Variants in SPATA13 observed in about 807,000 individuals in gnomAD.
The protein encoded by SPATA13 is spermatogenesis-associated protein 13.
Under a neutral mutation model 104.0 loss-of-function variants are expected in SPATA13, and 50 were observed. The observed-to-expected ratio is 0.48, with a 90% CI of 0.38 to 0.61. The LOEUF (loss-of-function observed/expected upper bound fraction) is 0.61. SPATA13 is among the 20% of genes least tolerant of loss of function. The probability of loss-of-function intolerance (pLI) is 0.00; values close to 1 mark genes in which losing one functional copy is unlikely to be tolerated. For synonymous variants in SPATA13, 606 were observed against 667.5 expected (o/e 0.91, Z 1.42); for missense variants, 1,524 against 1,690.6 (o/e 0.90, Z 1.73).
intron 3 of SPATA13, among the ~76,000 whole-genome samples, chr13:24,103,966 ACT>A (rs1471111315): frequency 1.3e-5 from 2 of 151,954 alleles, no homozygotes; most frequent in Non-Finnish European, 2.9e-5. Flanking sequence ...ATTAGGAGTG[ACT>A]CTAAGTAGGG....
In SPATA13 at chr13:24,261,081, G is replaced by C. The variant is rs184397858; in HGVS notation, c.2164+9219G>C. Among the ~76,000 whole-genome samples, 599 of 152,364 alleles carry C rather than the reference G, an allele frequency of 3.9e-3. 4 individuals are homozygous for C. Among genetic ancestry groups the C allele is most frequent in the Non-Finnish European group, 6.5e-3 (442 of 68,038 alleles). ...TAAGTTCAGGCTGCCTGGGAGGACA[G>C]AGCCTGGGCAACTGGGAGCCACTGA... On this transcript the variant is annotated intron_variant, in intron 4 of 12. Transcript: ENST00000382108.
upstream of SPATA13, among the ~76,000 whole-genome samples, chr13:24,159,637 C>T (rs1451765189): frequency 6.6e-6 from 1 of 152,180 alleles, no homozygotes; most frequent in Non-Finnish European, 1.5e-5. Flanking sequence ...GCATGCTGTT[C>T]ATTCTGTGAG....
At chr13:23,989,249 C>T (rs112096187) in intron 2 of SPATA13, among the ~76,000 whole-genome samples, 109 of 152,108 alleles carry the variant, frequency 7.2e-4, no homozygotes, top group African/African-American at 2.6e-3. Flanking sequence ...TGGTGAAACC[C>T]CGTCTCTACT....
chr13:24,263,158 T>C (rs1476161242), intron 4 of SPATA13, among the ~76,000 whole-genome samples: 1 of 152,370 alleles, frequency 6.6e-6, no homozygotes, highest in South Asian at 2.1e-4. Context: ...CCATAACATC[T>C]TTTTGTTCTC....
intron 10 of SPATA13, 35 bp downstream of exon 10, chr13:24,294,903 C>T: frequency 6.3e-7 from 1 of 1,584,928 alleles, no homozygotes; most frequent in Non-Finnish European, 8.6e-7. Context: ...TCCCATGCCA[C>T]TCGCCCTTCC....
chr13:24,132,593 T>G (rs1881421566), intron 3 of SPATA13, among the ~76,000 whole-genome samples: 1 of 152,214 alleles, frequency 6.6e-6, no homozygotes, highest in African/African-American at 2.4e-5. Flanking sequence ...GTATTAACAT[T>G]ATTAGGAAGG....
At chr13:24,142,403 T>A (rs555778271) in intron 3 of SPATA13, among the ~76,000 whole-genome samples, 1 of 152,278 alleles carries the variant, frequency 6.6e-6, no homozygotes, top group East Asian at 1.9e-4. Flanking sequence ...AGTTCTTTAG[T>A]TTTTCTTTGT....
At chr13:24,264,706 C>T (rs1874212078) in intron 4 of SPATA13, among the ~76,000 whole-genome samples, 1 of 152,154 alleles carries the variant, frequency 6.6e-6, no homozygotes, top group South Asian at 2.1e-4. Context: ...TGTGCTTGGT[C>T]CTAAGGATCT....
chr13:24,054,193 G>A (rs1197038366), intron 3 of SPATA13, among the ~76,000 whole-genome samples: 1 of 152,176 alleles, frequency 6.6e-6, no homozygotes, highest in East Asian at 1.9e-4. Context: ...CAGAAGCCCG[G>A]AGTTCCCATC....
intron 1 of SPATA13, among the ~76,000 whole-genome samples, chr13:24,163,212 C>T (rs1273403011): frequency 3.9e-5 from 6 of 152,154 alleles, no homozygotes; most frequent in African/African-American, 1.4e-4. Flanking sequence ...GCTTAGGCAG[C>T]ATAGCAAGAC....
rs1055454578 is a variant in SPATA13, at chr13:24,161,948, C to T, written c.-112+1016C>T. 5.3e-4 allele frequency among the ~76,000 whole-genome samples: 80 copies of T among 152,238 alleles called. No homozygotes were observed. The highest frequency in any genetic ancestry group is 1.9e-3 in the African/African-American group (77 of 41,534). The stretch of plus-strand genomic sequence containing the variant: ...GATTTGCTCTCCTTTATTCCCCTTG[C>T]TAACAGGCGGAGAAATCTCACTCCT... On this transcript the variant is annotated intron_variant, in intron 1 of 12. Transcript: ENST00000382108. The surrounding 1 kb of genome is among the most constrained non-coding windows in gnomAD (Gnocchi z 4.5).
At chr13:24,285,754 C>T (rs1417386687) in intron 5 of SPATA13, among the ~76,000 whole-genome samples, 1 of 150,324 alleles carries the variant, frequency 6.7e-6, no homozygotes, top group Non-Finnish European at 1.5e-5. Context: ...GATCTCCGCT[C>T]ACTGCAACCT....
At chr13:24,129,146 G>A (rs1283215527) in intron 3 of SPATA13, among the ~76,000 whole-genome samples, 2 of 152,242 alleles carry the variant, frequency 1.3e-5, no homozygotes, top group Non-Finnish European at 2.9e-5. Flanking sequence ...TCAATCCAAA[G>A]TCCAGGTGGT....
At chr13:24,023,249 A>C (rs1877065302) in intron 3 of SPATA13, among the ~76,000 whole-genome samples, 1 of 152,192 alleles carries the variant, frequency 6.6e-6, no homozygotes, top group African/African-American at 2.4e-5. Flanking sequence ...GTCCCTGCAA[A>C]GGACATGAAC....
intron 3 of SPATA13, among the ~76,000 whole-genome samples, chr13:24,125,463 A>G (rs986676847): frequency 1.6e-4 from 25 of 152,016 alleles, no homozygotes; most frequent in Admixed American, 1.2e-3. Flanking sequence ...CCTTTTCCAC[A>G]CCTCCTTCAG....
rs143378628 is a variant in SPATA13 at position 24,025,576 on chromosome 13, T to G, written c.-112+7875T>G. 5.3e-5 allele frequency among the ~76,000 whole-genome samples: 8 copies of G among 152,334 alleles called. No individual in the cohort carries two copies. The East Asian group carries it at 1.5e-3, about 29-fold the overall frequency. ...CAAAGTAGTTGTTCCAATTTATATG[T>G]AAAACAGTGGCATATACAACTTCCC... On this transcript the variant is annotated intron_variant, in intron 3 of 14. Transcript: ENST00000424834.
At position 24,301,530 on chromosome 13, in the gene SPATA13, G is replaced by A. The variant is rs188836845; in HGVS notation, c.3658+1055G>A. Among the ~76,000 whole-genome samples, 228 of 152,262 alleles carry A rather than the reference G, an allele frequency of 1.5e-3. 2 individuals carry two copies. Among genetic ancestry groups the A allele is most frequent in the African/African-American group, 5.2e-3 (216 of 41,532 alleles). On this transcript the variant is annotated intron_variant, in intron 12 of 12. Transcript: ENST00000382108. ...ATTGTTTTCTGTCCATATCTTCTGC[G>A]AGTCACTCGCCCAGCAGCCAGGCTT...
intron 3 of SPATA13, among the ~76,000 whole-genome samples, chr13:24,076,677 C>T (rs1879338995): frequency 6.6e-6 from 1 of 151,658 alleles, no homozygotes; most frequent in Admixed American, 6.6e-5. Context: ...AATGGGGACA[C>T]AGGGAGGTGC....
chr13:24,168,709 G>T (rs902240768), intron 1 of SPATA13, among the ~76,000 whole-genome samples: 3 of 152,132 alleles, frequency 2.0e-5, no homozygotes, highest in Non-Finnish European at 4.4e-5. Context: ...TTCCATGGCT[G>T]CTTCTGAAAT....
Sources: gnomAD v4.1 joint callset for allele counts (sites outside exome capture counted in the v4.1 genomes callset) on GRCh38, gnomAD v4.1.1 for gene constraint, Gnocchi (gnomAD v3.1) non-coding constraint, MANE v1.5 for transcripts, NCBI Gene and HGNC (gene_info 2026-07-23, HGNC 2026-07-21) for gene names.